SLC26A5: variants seen among roughly 807,000 people sequenced by gnomAD.
SLC26A5 encodes solute carrier family 26 member 5.
SLC26A5 carries 51 observed loss-of-function variants against 81.0 expected under a neutral mutation model. That is an observed-to-expected ratio of 0.63 (90% CI 0.50 to 0.80). The LOEUF is 0.80. Among genes scored for constraint, SLC26A5 ranks in the 30% least tolerant of loss-of-function variants. The pLI is 0.00. For missense variants in SLC26A5, 771 were observed against 905.8 expected, an observed-to-expected ratio of 0.85 and a Z score of 1.91; for synonymous variants, 325 against 332.8, an observed-to-expected ratio of 0.98 and a Z score of 0.25.
At chr7:103,399,527 C>T (rs1823409672) in intron 8 of SLC26A5, among the ~76,000 whole-genome samples, 1 of 152,150 alleles carries the variant, frequency 6.6e-6, no homozygotes, top group Non-Finnish European at 1.5e-5. Flanking sequence ...ACAGCTAGAA[C>T]TTGTTGTTAT....
At chr7:103,405,506 C>T (rs1823971666) in intron 8 of SLC26A5, among the ~76,000 whole-genome samples, 1 of 152,166 alleles carries the variant, frequency 6.6e-6, no homozygotes, top group African/African-American at 2.4e-5. Flanking sequence ...TGGGTATCAC[C>T]AGCGAAGGCT....
rs114923477 is a variant in SLC26A5, at chr7:103,364,390, G to C, written c.2042-11464C>G. 7.3e-4 allele frequency: 1,070 copies of C among 1,468,960 alleles called. 6 individuals are homozygous for C. In the African/African-American group the frequency reaches 0.014, roughly 19 times the overall value. 91.0% of individuals were successfully genotyped at this position (1,468,960 alleles called of 1,614,324 possible). ...AAATTAAAAATGGCACTTCTGCATT[G>C]AGGGATCCAGACCTGAAATTTCTTT... On this transcript the variant is annotated intron_variant, in intron 19 of 19. Transcript: ENST00000339444.
downstream of SLC26A5, among the ~76,000 whole-genome samples, chr7:103,373,801 T>G (rs1821155247): frequency 6.6e-6 from 1 of 152,216 alleles, no homozygotes; most frequent in Non-Finnish European, 1.5e-5. Context: ...TGTATATGTA[T>G]GGAAAAAGAT....
At chr7:103,418,215 C>A (rs1825074660) in intron 4 of SLC26A5, among the ~76,000 whole-genome samples, 1 of 152,184 alleles carries the variant, frequency 6.6e-6, no homozygotes. Flanking sequence ...ATCCAACAGC[C>A]AGTTTTGCTG....
At chr7:103,441,190 T>C (rs1042527517) in intron 2 of SLC26A5, among the ~76,000 whole-genome samples, 11 of 152,218 alleles carry the variant, frequency 7.2e-5, no homozygotes, top group Non-Finnish European at 1.5e-4. Flanking sequence ...TTTTCTTCCT[T>C]AATGCCTTTC....
At chr7:103,426,712 C>A (rs1281753843) in intron 2 of SLC26A5, among the ~76,000 whole-genome samples, 1 of 152,116 alleles carries the variant, frequency 6.6e-6, no homozygotes. Flanking sequence ...TTTTTATTTG[C>A]ATCAACAATG....
At chr7:103,408,128 G>T in intron 7 of SLC26A5, 125 bp from the exon 8 acceptor site, 2 of 1,279,406 alleles carry the variant, frequency 1.6e-6, no homozygotes, top group Non-Finnish European at 2.2e-6. Flanking sequence ...AAAGTTCCAA[G>T]GCTGAAATCT....
chr7:103,391,595 G>T, intron 11 of SLC26A5, 27 bp downstream of exon 11: 1 of 1,562,050 alleles, frequency 6.4e-7, no homozygotes, highest in Admixed American at 1.7e-5. Context: ...CATATCATCA[G>T]GTCTTAGAGG....
intron 13 of SLC26A5, 61 bp from the exon 14 acceptor site, chr7:103,389,175 A>C: frequency 7.4e-7 from 1 of 1,343,218 alleles, no homozygotes; most frequent in Non-Finnish European, 1.1e-6. Flanking sequence ...AGAGTTAAAC[A>C]CACAAGTGTG....
chr7:103,380,859 C>A (rs1454789839), intron 14 of SLC26A5, among the ~76,000 whole-genome samples: 1 of 151,450 alleles, frequency 6.6e-6, no homozygotes, highest in Non-Finnish European at 1.5e-5. Flanking sequence ...ACCTCACACA[C>A]CACACACATA....
intron 2 of SLC26A5, among the ~76,000 whole-genome samples, chr7:103,422,550 A>G (rs755884137): frequency 1.3e-5 from 2 of 152,208 alleles, no homozygotes; most frequent in Non-Finnish European, 2.9e-5. Flanking sequence ...AACAATAAAT[A>G]CTGAGATCAG....
chr7:103,441,703 G>T (rs1489339404), intron 2 of SLC26A5, among the ~76,000 whole-genome samples: 1 of 152,210 alleles, frequency 6.6e-6, no homozygotes, highest in Non-Finnish European at 1.5e-5. Context: ...GAGCAGAGAT[G>T]TTATCGTCTC....
At chr7:103,398,394 G>A (rs1204716964) in intron 8 of SLC26A5, among the ~76,000 whole-genome samples, 1 of 152,176 alleles carries the variant, frequency 6.6e-6, no homozygotes, top group Non-Finnish European at 1.5e-5. Flanking sequence ...TGTACTTCGA[G>A]GGTGGTACAA....
intron 2 of SLC26A5, among the ~76,000 whole-genome samples, chr7:103,437,989 T>C (rs1826582380): frequency 6.6e-6 from 1 of 152,194 alleles, no homozygotes; most frequent in African/African-American, 2.4e-5. Context: ...TCCAAACTCA[T>C]GTTCTATATG....
chr7:103,418,160 C>T (rs1430873819), intron 4 of SLC26A5, among the ~76,000 whole-genome samples: 1 of 152,200 alleles, frequency 6.6e-6, no homozygotes, highest in East Asian at 1.9e-4. Flanking sequence ...AACCCATCAG[C>T]CTTAAAGTTG....
At chr7:103,420,916 G>A in intron 3 of SLC26A5, 39 bp from the exon 4 acceptor site, 1 of 1,572,034 alleles carries the variant, frequency 6.4e-7, no homozygotes, top group Non-Finnish European at 8.7e-7. Flanking sequence ...AGTTATAAAT[G>A]AGAAACATCT....
chr7:103,402,329 T>C (rs1439023384), intron 8 of SLC26A5, among the ~76,000 whole-genome samples: 1 of 152,112 alleles, frequency 6.6e-6, no homozygotes, highest in Non-Finnish European at 1.5e-5. Flanking sequence ...TTCTTCTAGA[T>C]TTTCTAGTTA....
chr7:103,384,358 A>T (rs1054439813), intron 14 of SLC26A5, among the ~76,000 whole-genome samples: 25 of 151,882 alleles, frequency 1.6e-4, no homozygotes, highest in African/African-American at 6.0e-4. Context: ...CATGCCTCTA[A>T]TCCCAGCACT....
chr7:103,375,840 C>T (rs1056500860), intron 19 of SLC26A5, among the ~76,000 whole-genome samples: 2 of 152,056 alleles, frequency 1.3e-5, no homozygotes, highest in Non-Finnish European at 2.9e-5. Context: ...ACTGCAACCT[C>T]CGCCTCCTGG....
Sources: allele counts gnomAD v4.1 joint callset (sites outside exome capture counted in the v4.1 genomes callset), GRCh38; gene constraint gnomAD v4.1.1; transcripts MANE v1.5; gene names NCBI Gene and HGNC (gene_info 2026-07-23, HGNC 2026-07-21).